PCDHGB4: variants seen among roughly 807,000 people sequenced by gnomAD.
PCDHGB4 encodes protocadherin gamma-B4.
A neutral mutation model predicts 60.5 loss-of-function variants in PCDHGB4; 38 were observed. The ratio of observed to expected loss-of-function variants is 0.63; its 90% confidence interval spans 0.48 to 0.82. The LOEUF is 0.82. PCDHGB4 is among the 40% of genes least tolerant of loss of function. The pLI, the probability that PCDHGB4 is intolerant of heterozygous loss-of-function variation, is 0.00. For missense variants in PCDHGB4, 1,109 were observed against 1,209.6 expected, an observed-to-expected ratio of 0.92 and a Z score of 1.23; for synonymous variants, 456 against 509.7, an observed-to-expected ratio of 0.89 and a Z score of 1.42.
At chr5:141,397,462 G>A (rs1415733475) in intron 1 of PCDHGB4, among the ~76,000 whole-genome samples, 1 of 152,152 alleles carries the variant, frequency 6.6e-6, no homozygotes, top group Non-Finnish European at 1.5e-5. Context: ...TAGAAATATT[G>A]GGGAGTTGGA....
intron 1 of PCDHGB4, chr5:141,400,300 C>T: frequency 6.2e-7 from 1 of 1,614,084 alleles, no homozygotes; most frequent in Non-Finnish European, 8.5e-7. Context: ...CTGCTTCCAA[C>T]CTGGTCTCTG....
rs1554116833 is a variant in PCDHGB4, at chr5:141,423,756, G to GGT, written c.2397+33476_2397+33477insTG. 2.2e-4 allele frequency: 100 copies of GGT among 448,536 alleles called. 2 individuals carry two copies. The highest frequency in any genetic ancestry group is 2.1e-3 in the African/African-American group (74 of 35,668). The allele number at this position is 448,536 out of a possible 1,614,324, so 27.8% of individuals were successfully genotyped here. On this transcript the variant is annotated intron_variant, in intron 1 of 3. Coordinates refer to ENST00000519479, the MANE Select transcript of PCDHGB4 (RefSeq NM_003736.4). ...GCCTGTTATGAAAACTGTTTGGGGG[G>GGT]GGGGTGGGGCGGCATATATTTAGTT...
At chr5:141,405,301 G>C (rs369812265) in intron 1 of PCDHGB4, 2 of 1,614,082 alleles carry the variant, frequency 1.2e-6, no homozygotes, top group African/African-American at 2.7e-5. Context: ...TCAGCCAGCA[G>C]AGCTGTGAGA....
intron 2 of PCDHGB4, among the ~76,000 whole-genome samples, chr5:141,503,824 C>G (rs1216231770): frequency 1.3e-5 from 2 of 152,058 alleles, no homozygotes; most frequent in South Asian, 4.1e-4. Context: ...TTGGGCAAAA[C>G]CAAAAGCAGG....
At chr5:141,450,815 A>ATAT (rs1420984335) in intron 1 of PCDHGB4, among the ~76,000 whole-genome samples, 2,245 of 126,710 alleles carry the variant, frequency 0.018, 73 homozygotes, top group African/African-American at 0.063. Flanking sequence ...TATTTATTTA[A>ATAT]TATTATTATT....
chr5:141,416,178 C>G (rs1392436592), intron 1 of PCDHGB4: 3 of 152,408 alleles, frequency 2.0e-5, no homozygotes, highest in African/African-American at 2.4e-5. Context: ...CTAAGTTTTT[C>G]ATTAATATTG....
At position 141,487,329 on chromosome 5, in the gene PCDHGB4, C is replaced by T; in HGVS notation, c.2398-7478C>T. On this transcript the variant is annotated intron_variant, in intron 1 of 3. Coordinates refer to ENST00000519479, the MANE Select transcript of PCDHGB4 (RefSeq NM_003736.4). This position sits in a 1 kb window ranked among gnomAD's most constrained non-coding sequence, Gnocchi z 5.0. Reference sequence around the variant, plus strand: ...CTACTCTCTAAGTGTCTTCGTGGGGCAGCCTGTGGAGTCACATGCTTTCCT... The same window carrying T: ...CTACTCTCTAAGTGTCTTCGTGGGGTAGCCTGTGGAGTCACATGCTTTCCT... 1 of 1,614,170 alleles carries T rather than the reference C, an allele frequency of 6.2e-7. No homozygotes were observed. The highest frequency in any genetic ancestry group is 1.1e-5 in the South Asian group (1 of 91,070).
chr5:141,445,545 A>G (rs1422837499), intron 1 of PCDHGB4, among the ~76,000 whole-genome samples: 2 of 152,256 alleles, frequency 1.3e-5, no homozygotes, highest in Non-Finnish European at 2.9e-5. Context: ...AAGGAGAAAT[A>G]CAAAAGCACT....
rs72790030 is a variant in PCDHGB4, at chr5:141,389,142, G to T, written c.1258G>T (p.Val420Phe). 5 of 1,613,968 alleles carry T rather than the reference G, an allele frequency of 3.1e-6. No individual in the cohort carries two copies. The highest frequency in any genetic ancestry group is 4.2e-6 in the Non-Finnish European group (5 of 1,179,872). Residue 420 changes from valine to phenylalanine, a missense_variant, in exon 1 of 4, where the codon GTT becomes TTT. Coordinates refer to ENST00000519479, the MANE Select transcript of PCDHGB4 (RefSeq NM_003736.4). ...GCAGAATCCAGAGTACAATATAACCGTTACGGCAACAGATCGGGGCAAGCC... is the reference window on the plus strand; with the variant it reads ...GCAGAATCCAGAGTACAATATAACCTTTACGGCAACAGATCGGGGCAAGCC... Reference protein sequence around the residue: ...REQNPEYNITVTATDRGKPPL... With the variant: ...REQNPEYNITFTATDRGKPPL...
chr5:141,465,019 G>T (rs533151051), intron 1 of PCDHGB4, among the ~76,000 whole-genome samples: 1 of 151,978 alleles, frequency 6.6e-6, no homozygotes, highest in Non-Finnish European at 1.5e-5. Context: ...TAAGATTACA[G>T]CCATGAACCA....
At chr5:141,510,862 C>T (rs764422869) in intron 3 of PCDHGB4, 85 bp from the exon 4 acceptor site, 22 of 1,606,772 alleles carry the variant, frequency 1.4e-5, no homozygotes, top group Non-Finnish European at 1.7e-5. Flanking sequence ...GCTGTATAGG[C>T]ATTCATTAAC....
rs774288267 is a variant in PCDHGB4, at chr5:141,392,993, G to A, written c.2397+2712G>A. On this transcript the variant is annotated intron_variant, in intron 1 of 3. Transcript: ENST00000519479. ...TGGGGCTGGACCCCCGGAAGCTGGCGAAGCACGGAGTCCGTATCGTCTCCA... is the reference window on the plus strand; with the variant it reads ...TGGGGCTGGACCCCCGGAAGCTGGCAAAGCACGGAGTCCGTATCGTCTCCA... The A allele has an allele frequency of 5.0e-6, 8 of 1,613,802 alleles. 1 individual carries two copies. In the South Asian group the frequency reaches 6.6e-5, roughly 13 times the overall value.
In PCDHGB4 at chr5:141,491,177, T is replaced by G; in HGVS notation, c.2398-3630T>G. The G allele has an allele frequency of 6.2e-7, 1 of 1,614,158 alleles. No homozygotes were observed. Among genetic ancestry groups the G allele is most frequent in the Non-Finnish European group, 8.5e-7 (1 of 1,180,010 alleles). Reference sequence around the variant, plus strand: ...GACTCTGACACCCAGCAGGTGGTGGTCCTGGTGAGGGACAATGGTGACCCT... The same window carrying G: ...GACTCTGACACCCAGCAGGTGGTGGGCCTGGTGAGGGACAATGGTGACCCT... On this transcript the variant is annotated intron_variant, in intron 1 of 3. Transcript: ENST00000519479. This position sits in a 1 kb window ranked among gnomAD's most constrained non-coding sequence, Gnocchi z 6.9.
At chr5:141,422,328 T>C (rs1561800810) in intron 1 of PCDHGB4, 4 of 1,548,502 alleles carry the variant, frequency 2.6e-6, no homozygotes, top group Non-Finnish European at 2.6e-6. Flanking sequence ...GTACAGTGAT[T>C]GCTCTTCTAA....
chr5:141,387,967 C>A lies in PCDHGB4; in HGVS notation c.83C>A (p.Ala28Glu). The A allele has an allele frequency of 6.7e-7, 1 of 1,489,224 alleles. No homozygotes were observed. The highest frequency in any genetic ancestry group is 9.0e-7 in the Non-Finnish European group (1 of 1,109,312). 92.3% of individuals were successfully genotyped at this position (1,489,224 alleles called of 1,614,324 possible). Residue 28 changes from alanine (A) to glutamate (E), a missense_variant, in exon 1 of 4, where the codon GCG becomes GAG. Around this residue, in one of 2 missense-constraint regions of PCDHGB4, gnomAD observed 41 missense variants for 119.7 expected, o/e 0.34. Coordinates refer to ENST00000519479, the MANE Select transcript of PCDHGB4 (RefSeq NM_003736.4). ...FLFLLSLFCP[A>E]LCEQIRYRIP... ...TTCCTGCTGTCTTTGTTCTGCCCGG[C>A]GCTCTGTGAGCAGATCCGCTACAGG... is the stretch of plus-strand genomic sequence containing the variant.
intron 1 of PCDHGB4, among the ~76,000 whole-genome samples, chr5:141,455,907 ATTTATTTT>A (rs1199495676): frequency 7.1e-5 from 9 of 126,872 alleles, no homozygotes; most frequent in African/African-American, 1.1e-4. Context: ...TTATTTATTT[ATTTATTTT>A]GAGACGGAGT....
At chr5:141,460,067 G>T (rs1168161575) in intron 1 of PCDHGB4, among the ~76,000 whole-genome samples, 1 of 151,996 alleles carries the variant, frequency 6.6e-6, no homozygotes, top group Non-Finnish European at 1.5e-5. Flanking sequence ...AACAGAGTGA[G>T]ACTTCATCTA....
At chr5:141,496,768 A>G (rs997951321) in intron 2 of PCDHGB4, among the ~76,000 whole-genome samples, 10 of 152,260 alleles carry the variant, frequency 6.6e-5, no homozygotes, top group African/African-American at 2.4e-4. Context: ...TCGAGCATCT[A>G]CTATGAGCAG....
At chr5:141,450,599 G>T (rs569531886) in intron 1 of PCDHGB4, among the ~76,000 whole-genome samples, 11 of 150,286 alleles carry the variant, frequency 7.3e-5, no homozygotes, top group African/African-American at 2.7e-4. Flanking sequence ...CAATTCTCCT[G>T]CCTCAGCCTC....
Sources: allele counts gnomAD v4.1 joint callset (sites outside exome capture counted in the v4.1 genomes callset), GRCh38; gene constraint gnomAD v4.1.1; regional missense constraint gnomAD v4.1.1; non-coding constraint Gnocchi (gnomAD v3.1); transcripts MANE v1.5; gene names NCBI Gene and HGNC (gene_info 2026-07-23, HGNC 2026-07-21).